Variants in WDPCP observed in about 807,000 individuals in gnomAD.
WDPCP encodes WD repeat containing planar cell polarity effector.
Under a neutral mutation model 93.1 loss-of-function variants are expected in WDPCP, and 71 were observed. The observed-to-expected ratio is 0.76, with a 90% CI of 0.63 to 0.93. The LOEUF (loss-of-function observed/expected upper bound fraction) is 0.93, where lower values mean the gene tolerates loss of function less well. Ranked by LOEUF, WDPCP falls within the 40% of genes least tolerant of loss-of-function variation. The pLI, the probability that WDPCP is intolerant of heterozygous loss-of-function variation, is 0.00. For missense variants in WDPCP, 844 were observed against 887.4 expected (o/e 0.95, Z 0.62); for synonymous variants, 315 against 315.0 (o/e 1.00, Z 0.00).
chr2:63,458,192 A>T (rs1437909874), intron 6 of WDPCP, among the ~76,000 whole-genome samples: 1 of 151,542 alleles, frequency 6.6e-6, no homozygotes, highest in Non-Finnish European at 1.5e-5. Flanking sequence ...CCTAATCGAC[A>T]TAGTACTAGA....
intron 13 of WDPCP, among the ~76,000 whole-genome samples, chr2:63,261,261 T>C (rs1448926814): frequency 6.6e-6 from 1 of 151,796 alleles, no homozygotes; most frequent in East Asian, 1.9e-4. Context: ...ACTACAGCAG[T>C]GTTTTTCAGA....
At chr2:63,728,456 A>G (rs1412399222) in intron 2 of WDPCP, among the ~76,000 whole-genome samples, 1 of 152,182 alleles carries the variant, frequency 6.6e-6, no homozygotes, top group African/African-American at 2.4e-5. Flanking sequence ...GGGCCTCCTT[A>G]AATTCTGACC....
intron 3 of WDPCP, chr2:63,595,645 C>T: frequency 1.5e-6 from 1 of 648,484 alleles, no homozygotes; most frequent in East Asian, 2.7e-5. Context: ...TTTTGAACTA[C>T]CACTGTTTAT....
intron 6 of WDPCP, among the ~76,000 whole-genome samples, chr2:63,460,209 A>G (rs529380952): frequency 1.3e-5 from 2 of 152,310 alleles, no homozygotes; most frequent in Admixed American, 6.5e-5. Flanking sequence ...GGAGGTCAGT[A>G]TGTTAAATGA....
chr2:63,553,970 C>T (rs537267053), intron 1 of WDPCP, among the ~76,000 whole-genome samples: 62 of 152,332 alleles, frequency 4.1e-4, no homozygotes, highest in African/African-American at 1.5e-3. Context: ...CAAGGACACT[C>T]TTTCACATAA....
chr2:63,392,524 A>G (rs1020610535), intron 10 of WDPCP, among the ~76,000 whole-genome samples: 3 of 152,204 alleles, frequency 2.0e-5, no homozygotes, highest in Non-Finnish European at 2.9e-5. Flanking sequence ...ACAAAAGCCA[A>G]AATTGACAAA....
chr2:63,793,485 C>A (rs1280824225), intron 2 of WDPCP, among the ~76,000 whole-genome samples: 1 of 152,020 alleles, frequency 6.6e-6, no homozygotes, highest in Non-Finnish European at 1.5e-5. Flanking sequence ...GTGGCCCATA[C>A]CCGTAATCCC....
At chr2:63,556,071 A>G (rs762482852) in intron 1 of WDPCP, among the ~76,000 whole-genome samples, 1 of 152,224 alleles carries the variant, frequency 6.6e-6, no homozygotes, top group Admixed American at 6.5e-5. Flanking sequence ...AGCATGCTCT[A>G]ATCCACTGCA....
intron 1 of WDPCP, among the ~76,000 whole-genome samples, chr2:63,576,332 T>A (rs778290982): frequency 2.0e-5 from 3 of 152,172 alleles, no homozygotes; most frequent in Non-Finnish European, 4.4e-5. Flanking sequence ...AACCCCTTTT[T>A]GGGTTCAATT....
intron 2 of WDPCP, among the ~76,000 whole-genome samples, chr2:63,764,626 C>G (rs764138106): frequency 8.5e-5 from 13 of 152,140 alleles, no homozygotes; most frequent in Admixed American, 2.0e-4. Context: ...AAGCCACAAA[C>G]ACTACACACT....
At chr2:63,767,955 T>C (rs1670170199) in intron 2 of WDPCP, among the ~76,000 whole-genome samples, 1 of 152,076 alleles carries the variant, frequency 6.6e-6, no homozygotes, top group African/African-American at 2.4e-5. Flanking sequence ...TACAGAAGTT[T>C]TATAGTTTTA....
intron 13 of WDPCP, among the ~76,000 whole-genome samples, chr2:63,280,614 C>G (rs1231346434): frequency 6.6e-6 from 1 of 152,128 alleles, no homozygotes; most frequent in African/African-American, 2.4e-5. Context: ...CAGCATGGTA[C>G]TGGTATAAAA....
intron 14 of WDPCP, among the ~76,000 whole-genome samples, chr2:63,216,661 A>G (rs1677370479): frequency 1.3e-5 from 2 of 152,214 alleles, no homozygotes; most frequent in South Asian, 4.2e-4. Flanking sequence ...TACATATGTA[A>G]CAAATCTGCA....
chr2:63,604,621 C>A, intron 3 of WDPCP: 3 of 1,118,092 alleles, frequency 2.7e-6, no homozygotes, highest in Non-Finnish European at 3.9e-6. Flanking sequence ...TATTTAAGGG[C>A]ATTTGTCAAA....
chr2:63,572,513 G>C (rs1026799000), intron 1 of WDPCP, among the ~76,000 whole-genome samples: 5 of 151,662 alleles, frequency 3.3e-5, no homozygotes, highest in African/African-American at 9.7e-5. Context: ...GACCAGCCTG[G>C]TCAACATGGC....
At chr2:63,511,067 T>A (rs1372263887) in intron 1 of WDPCP, among the ~76,000 whole-genome samples, 1 of 152,130 alleles carries the variant, frequency 6.6e-6, no homozygotes, top group African/African-American at 2.4e-5. Flanking sequence ...GGATACAAAA[T>A]CAATGTGCAA....
chr2:63,779,692 G>C (rs1670360303), intron 2 of WDPCP, among the ~76,000 whole-genome samples: 1 of 152,130 alleles, frequency 6.6e-6, no homozygotes, highest in Non-Finnish European at 1.5e-5. Context: ...GCCTTGTGAG[G>C]AATAAATAGC....
intron 14 of WDPCP, among the ~76,000 whole-genome samples, chr2:63,237,443 T>C (rs1370735908): frequency 1.3e-5 from 2 of 152,088 alleles, no homozygotes; most frequent in Non-Finnish European, 2.9e-5. Context: ...AAAAACTGAG[T>C]TGAACTACAA....
At chr2:63,531,753 G>T (rs1225884417) in intron 1 of WDPCP, among the ~76,000 whole-genome samples, 1 of 152,108 alleles carries the variant, frequency 6.6e-6, no homozygotes, top group Non-Finnish European at 1.5e-5. Context: ...AAAGATGGGG[G>T]GAAACCAGAG....
Sources: gnomAD v4.1 joint callset for allele counts (sites outside exome capture counted in the v4.1 genomes callset) on GRCh38, gnomAD v4.1.1 for gene constraint, MANE v1.5 for transcripts, NCBI Gene and HGNC (gene_info 2026-07-23, HGNC 2026-07-21) for gene names.